ALPL: variants seen among roughly 807,000 people sequenced by gnomAD.
ALPL encodes alkaline phosphatase, tissue-nonspecific isozyme.
A neutral mutation model predicts 51.3 loss-of-function variants in ALPL; 42 were observed. That is an observed-to-expected ratio of 0.82 (90% CI 0.64 to 1.06). The LOEUF (loss-of-function observed/expected upper bound fraction) is 1.06. Among genes scored for constraint, ALPL ranks in the 50% least tolerant of loss-of-function variants. ALPL has a pLI of 0.00. For synonymous variants in ALPL, 279 were observed against 296.4 expected (o/e 0.94, Z 0.60); for missense variants, 589 against 709.4 (o/e 0.83, Z 1.93).
At chr1:21,510,528 G>A (rs1643665556) in intron 1 of ALPL, among the ~76,000 whole-genome samples, 1 of 152,174 alleles carries the variant, frequency 6.6e-6, no homozygotes, top group Non-Finnish European at 1.5e-5. Flanking sequence ...AAGGCCTACC[G>A]TGCGTAGAGG....
chr1:21,512,927 TTTTG>T (rs1643720009), intron 1 of ALPL, among the ~76,000 whole-genome samples: 2 of 152,194 alleles, frequency 1.3e-5, no homozygotes, highest in Non-Finnish European at 2.9e-5. Context: ...CCAGATGTGC[TTTTG>T]TTTAATTGTA....
At chr1:21,562,096 A>G (rs1191225028) in intron 4 of ALPL, among the ~76,000 whole-genome samples, 4 of 152,250 alleles carry the variant, frequency 2.6e-5, no homozygotes, top group Admixed American at 6.5e-5. Flanking sequence ...TAAAGCAAAT[A>G]TTGCAATGAA....
At chr1:21,569,469 G>A (rs1018047435) in intron 7 of ALPL, among the ~76,000 whole-genome samples, 1 of 152,168 alleles carries the variant, frequency 6.6e-6, no homozygotes, top group Non-Finnish European at 1.5e-5. Flanking sequence ...CAGTGGCTAC[G>A]TGGTCTGTGT....
At chr1:21,575,671 G>C (rs1443947682) in intron 9 of ALPL, 62 bp from the exon 10 acceptor site, 1 of 1,591,674 alleles carries the variant, frequency 6.3e-7, no homozygotes, top group Non-Finnish European at 8.6e-7. Flanking sequence ...AGTGTTGTGG[G>C]GCTGGGGAGC....
intron 1 of ALPL, among the ~76,000 whole-genome samples, chr1:21,553,526 T>C (rs1033422253): frequency 2.0e-4 from 31 of 152,180 alleles, no homozygotes; most frequent in African/African-American, 6.5e-4. Flanking sequence ...TCTCAAGGTG[T>C]GGTCCGCAAA....
intron 4 of ALPL, among the ~76,000 whole-genome samples, chr1:21,561,917 T>A (rs1299304319): frequency 6.6e-6 from 1 of 152,148 alleles, no homozygotes; most frequent in Non-Finnish European, 1.5e-5. Flanking sequence ...TCTGCCCACC[T>A]TGGCCTCCCA....
At chr1:21,575,192 C>T (rs1366006048) in intron 9 of ALPL, among the ~76,000 whole-genome samples, 1 of 152,224 alleles carries the variant, frequency 6.6e-6, no homozygotes, top group South Asian at 2.1e-4. Context: ...AGATGAAAAA[C>T]GGGGTTAGGA....
intron 1 of ALPL, among the ~76,000 whole-genome samples, chr1:21,527,015 G>GTTCTTTTCTTTTCTT (rs57296888): frequency 0.028 from 3,906 of 140,616 alleles, 256 homozygotes; most frequent in African/African-American, 0.092. Context: ...TGTTATTCTT[G>GTTCTTTTCTTTTCTT]TTCTTTTCTT....
chr1:21,572,541 C>T (rs1265967918), intron 8 of ALPL, among the ~76,000 whole-genome samples: 4 of 152,138 alleles, frequency 2.6e-5, no homozygotes, highest in African/African-American at 9.7e-5. Flanking sequence ...ACCACACAAG[C>T]GCGTGAATTC....
In ALPL at chr1:21,537,828, G is replaced by C. The variant is rs114218394; in HGVS notation, c.-104-16150G>C. On this transcript the variant is annotated intron_variant, in intron 1 of 11. Coordinates refer to ENST00000374840, the MANE Select transcript of ALPL (RefSeq NM_000478.6). Reference sequence around the variant, plus strand: ...GAGCCTTGGTTTTTCCTCCTGAGCCGGAGCTGATCATTTGCACTTCACTGG... The same window carrying C: ...GAGCCTTGGTTTTTCCTCCTGAGCCCGAGCTGATCATTTGCACTTCACTGG... Among the ~76,000 whole-genome samples, 343 of 152,284 alleles carry C rather than the reference G, an allele frequency of 2.3e-3. 2 individuals are homozygous for C. Among genetic ancestry groups the C allele is most frequent in the African/African-American group, 7.9e-3 (330 of 41,548 alleles).
intron 1 of ALPL, among the ~76,000 whole-genome samples, chr1:21,521,216 GCT>G (rs1643880050): frequency 6.6e-6 from 1 of 151,764 alleles, no homozygotes; most frequent in Admixed American, 6.6e-5. Context: ...GACGGAGTCT[GCT>G]CTGTCGCCCA....
At chr1:21,536,396 T>C (rs1644106014) in intron 1 of ALPL, among the ~76,000 whole-genome samples, 1 of 152,180 alleles carries the variant, frequency 6.6e-6, no homozygotes, top group Non-Finnish European at 1.5e-5. Flanking sequence ...GAGCTGCAGT[T>C]CTGAGGTCAG....
chr1:21,564,278 G>T lies in ALPL; in HGVS notation c.648+62G>T. On this transcript the variant is annotated intron_variant, in intron 6 of 11. Transcript: ENST00000374840. This position sits in a 1 kb window ranked among gnomAD's most constrained non-coding sequence, Gnocchi z 5.8. Reference sequence around the variant, plus strand: ...AGGCGGGGCCTCTGGTGGGCAGGAGGCCTCAGGCCCAGGCTGGCCCGGAGA... The same window carrying T: ...AGGCGGGGCCTCTGGTGGGCAGGAGTCCTCAGGCCCAGGCTGGCCCGGAGA... The T allele has an allele frequency of 5.0e-6, 8 of 1,597,806 alleles. No individual in the cohort carries two copies. The highest frequency in any genetic ancestry group is 6.8e-6 in the Non-Finnish European group (8 of 1,171,968).
chr1:21,555,996 C>A (rs1026804699), intron 2 of ALPL, among the ~76,000 whole-genome samples: 6 of 152,120 alleles, frequency 3.9e-5, no homozygotes, highest in Admixed American at 2.6e-4. Context: ...TGGTCTCGAT[C>A]TCCTGACCTC....
chr1:21,550,121 T>C (rs543408316), intron 1 of ALPL, among the ~76,000 whole-genome samples: 2 of 152,296 alleles, frequency 1.3e-5, no homozygotes, highest in Admixed American at 1.3e-4. Flanking sequence ...GGGGATTGTG[T>C]AACTATAAAG....
intron 1 of ALPL, among the ~76,000 whole-genome samples, chr1:21,539,755 C>CA (rs1644157370): frequency 6.6e-6 from 1 of 151,444 alleles, no homozygotes; most frequent in Admixed American, 6.6e-5. Context: ...CCCGAGTTCA[C>CA]ACCATTCTCC....
In ALPL at chr1:21,540,522, A is replaced by G. The variant is rs566827550; in HGVS notation, c.-104-13456A>G. 2.0e-5 allele frequency among the ~76,000 whole-genome samples: 3 copies of G among 152,184 alleles called. No homozygotes were observed. The South Asian group carries it at 6.2e-4, about 32-fold the overall frequency. On this transcript the variant is annotated intron_variant, in intron 1 of 11. Coordinates refer to ENST00000374840, the MANE Select transcript of ALPL (RefSeq NM_000478.6). ...GAGCCTCACCCTCCTCACCTGTAAA[A>G]TGGAGCTGGCAATGGGGCATGTAGT...
Position 21,561,167 on chromosome 1 carries a change from G to C in ALPL, c.252G>C (p.Glu84Asp). 14 of 1,613,560 alleles carry C rather than the reference G, an allele frequency of 8.7e-6. No homozygotes were observed. The highest frequency in any genetic ancestry group is 1.2e-5 in the Non-Finnish European group (14 of 1,179,846). ...AGCTCCACCACAACCCTGGGGAGGA[G>C]ACCAGGCTGGAGATGGACAAGTTCC... is the stretch of plus-strand genomic sequence containing the variant. ...KGQLHHNPGE[E>D]TRLEMDKFPF... Residue 84 changes from glutamate to aspartate, a missense_variant, in exon 4 of 12, where the codon GAG (glutamate) becomes GAC (aspartate). Coordinates refer to ENST00000374840, the MANE Select transcript of ALPL (RefSeq NM_000478.6).
chr1:21,512,739 G>A (rs1237342764), intron 1 of ALPL, among the ~76,000 whole-genome samples: 2 of 151,958 alleles, frequency 1.3e-5, no homozygotes, highest in South Asian at 2.1e-4. Context: ...CAACCCCCCC[G>A]CCAACACTTC....
Sources: allele counts gnomAD v4.1 joint callset (sites outside exome capture counted in the v4.1 genomes callset), GRCh38; gene constraint gnomAD v4.1.1; non-coding constraint Gnocchi (gnomAD v3.1); transcripts MANE v1.5; gene names NCBI Gene and HGNC (gene_info 2026-07-23, HGNC 2026-07-21).